The following STK40 variants were observed in gnomAD, a reference collection of about 807,000 sequenced individuals.
The protein encoded by STK40 is serine/threonine kinase 40, also known as serine/threonine-protein kinase 40.
In STK40, 13 loss-of-function variants were observed where a neutral mutation model predicts 47.9. The ratio of observed to expected loss-of-function variants is 0.27; its 90% CI spans 0.18 to 0.43. The LOEUF is 0.43. Ranked by LOEUF, STK40 falls within the 20% of genes least tolerant of loss-of-function variation. STK40 has a pLI of 1.00. For synonymous variants in STK40, 225 were observed against 243.2 expected (o/e 0.93, Z 0.69); for missense variants, 460 against 595.1 (o/e 0.77, Z 2.36).
intron 1 of STK40, among the ~76,000 whole-genome samples, chr1:36,379,095 C>T (rs1270786544): frequency 6.6e-6 from 1 of 152,188 alleles, no homozygotes; most frequent in Non-Finnish European, 1.5e-5. Flanking sequence ...TTGCCAATTC[C>T]CACTACAATG....
intron 1 of STK40, among the ~76,000 whole-genome samples, chr1:36,381,333 A>G (rs142239666): frequency 2.6e-5 from 4 of 152,200 alleles, no homozygotes; most frequent in Non-Finnish European, 1.5e-5. Flanking sequence ...CACATCCTGC[A>G]GTCAGTCCCT....
chr1:36,370,536 T>C (rs1646936280), intron 1 of STK40, among the ~76,000 whole-genome samples: 1 of 152,182 alleles, frequency 6.6e-6, no homozygotes, highest in South Asian at 2.1e-4. Flanking sequence ...ATGTGAAATC[T>C]GAATGCGCGA....
chr1:36,355,464 G>A lies in STK40; in HGVS notation c.343-31C>T, dbSNP rs375836964. ...AGGCAAGGGGGTAGCGCAGGGCTTG[G>A]CTGTGAACTTGGCAGGGCCAAGGCC... is the stretch of plus-strand genomic sequence containing the variant. On this transcript the variant is annotated intron_variant, in intron 4 of 10. Transcript: ENST00000373132. The A allele has an allele frequency of 8.7e-6, 14 of 1,611,800 alleles. No individual in the cohort carries two copies. The African/African-American group carries it at 1.9e-4, about 21-fold the overall frequency.
chr1:36,346,230 G>A (rs558144112), intron 7 of STK40, among the ~76,000 whole-genome samples: 7 of 151,798 alleles, frequency 4.6e-5, no homozygotes, highest in South Asian at 4.2e-4. Flanking sequence ...TCCTGACCTC[G>A]TGATTTGCCC....
chr1:36,358,702 T>G, intron 3 of STK40, 35 bp downstream of exon 3: 1 of 1,610,616 alleles, frequency 6.2e-7, no homozygotes, highest in Non-Finnish European at 8.5e-7. Flanking sequence ...ACAGGCCCTG[T>G]TCCTGAGGCA....
intron 7 of STK40, among the ~76,000 whole-genome samples, chr1:36,346,284 G>A (rs537386662): frequency 3.9e-5 from 6 of 152,034 alleles, no homozygotes; most frequent in Admixed American, 6.5e-5. Flanking sequence ...ATGAGCCACC[G>A]CGCCTGGCTG....
intron 7 of STK40, 99 bp from the exon 8 acceptor site, chr1:36,344,363 T>C: frequency 6.9e-7 from 1 of 1,449,716 alleles, no homozygotes; most frequent in Non-Finnish European, 9.1e-7. Flanking sequence ...CCACCCTCAC[T>C]TCCAGTCCCC....
chr1:36,376,022 C>CAA (rs1317801280), intron 1 of STK40, among the ~76,000 whole-genome samples: 3 of 129,082 alleles, frequency 2.3e-5, no homozygotes, highest in Non-Finnish European at 3.3e-5. Context: ...AACTCCATCT[C>CAA]AAAAAAAAAA....
rs1019506419 is a variant in STK40 at position 36,348,566 on chromosome 1, G to T, written c.739+134C>A. ...CAGACCAAACATTTTGTATGGGGAGGGACAGTACTGGTCTGGGCCCCCAGT... is the reference window on the plus strand; with the variant it reads ...CAGACCAAACATTTTGTATGGGGAGTGACAGTACTGGTCTGGGCCCCCAGT... On this transcript the variant is annotated intron_variant, in intron 7 of 10. Transcript: ENST00000373132. 32 of 709,378 alleles carry T rather than the reference G, an allele frequency of 4.5e-5. No homozygotes were observed. The African/African-American group carries it at 5.4e-4, about 12-fold the overall frequency. The allele number at this position is 709,378 out of a possible 1,614,324, so 43.9% of individuals were successfully genotyped here.
intron 1 of STK40, among the ~76,000 whole-genome samples, chr1:36,379,384 T>C (rs2124753530): frequency 6.7e-6 from 1 of 149,598 alleles, no homozygotes; most frequent in African/African-American, 2.5e-5. Context: ...ATGAACACCG[T>C]TGGGTTGTAG....
At chr1:36,365,418 G>A (rs1321816974) in intron 1 of STK40, among the ~76,000 whole-genome samples, 2 of 152,196 alleles carry the variant, frequency 1.3e-5, no homozygotes. Flanking sequence ...CTGTGCCACT[G>A]GGGAGCACAG....
chr1:36,342,906 C>T (rs1298477841), intron 10 of STK40: 7 of 469,346 alleles, frequency 1.5e-5, no homozygotes, highest in East Asian at 8.3e-5. Context: ...GATCACCTGC[C>T]CTCTGCTGCC....
Position 36,341,625 on chromosome 1 carries a change from G to A in STK40, c.*130C>T. ...GCTGACCCCACGTGTGACCTGGGCTGTCCCTGTCCCTGCCCTGTCCCTATT... is the reference window on the plus strand; with the variant it reads ...GCTGACCCCACGTGTGACCTGGGCTATCCCTGTCCCTGCCCTGTCCCTATT... On this transcript the variant is annotated 3_prime_UTR_variant, in exon 11 of 11. Coordinates refer to ENST00000373132, the MANE Select transcript of STK40 (RefSeq NM_001282547.2). 1 of 1,133,234 alleles carries A rather than the reference G, an allele frequency of 8.8e-7. No individual in the cohort carries two copies. Among genetic ancestry groups the A allele is most frequent in the Non-Finnish European group, 1.3e-6 (1 of 798,130 alleles). 70.2% of individuals were successfully genotyped at this position (1,133,234 alleles called of 1,614,324 possible). A position where few individuals can be genotyped will look rare whatever the true frequency, so the allele number is the denominator to read the frequency against.
intron 7 of STK40, 46 bp from the exon 8 acceptor site, chr1:36,344,310 C>A: frequency 2.6e-6 from 4 of 1,523,370 alleles, no homozygotes; most frequent in Non-Finnish European, 3.5e-6. Flanking sequence ...ACAGCACCAC[C>A]GTGGCTCACC....
chr1:36,364,538 T>C (rs1452945213), intron 1 of STK40, among the ~76,000 whole-genome samples: 1 of 152,228 alleles, frequency 6.6e-6, no homozygotes, highest in East Asian at 1.9e-4. Context: ...ATGAATTTCC[T>C]TTATATTCTT....
intron 1 of STK40, among the ~76,000 whole-genome samples, chr1:36,374,626 G>A (rs761067438): frequency 2.6e-5 from 4 of 152,206 alleles, no homozygotes; most frequent in Non-Finnish European, 5.9e-5. Flanking sequence ...GAGGAGGAAG[G>A]GACAGACTTA....
chr1:36,343,129 C>T (rs1340726114), intron 10 of STK40: 12 of 657,172 alleles, frequency 1.8e-5, no homozygotes, highest in Admixed American at 1.6e-4. Context: ...GGCTCCAGCT[C>T]GGCTGTCTCA....
intron 1 of STK40, among the ~76,000 whole-genome samples, chr1:36,370,767 G>T (rs1427393947): frequency 3.3e-5 from 5 of 152,114 alleles, no homozygotes; most frequent in Admixed American, 3.3e-4. Context: ...CAATATCCAT[G>T]GGGGATTGGT....
chr1:36,367,095 G>A (rs1353511456), intron 1 of STK40, among the ~76,000 whole-genome samples: 2 of 150,520 alleles, frequency 1.3e-5, no homozygotes, highest in Non-Finnish European at 3.0e-5. Flanking sequence ...TAATCCGCCT[G>A]CCTTGGCCTC....
Sources: allele counts gnomAD v4.1 joint callset (sites outside exome capture counted in the v4.1 genomes callset), GRCh38; gene constraint gnomAD v4.1.1; transcripts MANE v1.5; gene names NCBI Gene and HGNC (gene_info 2026-07-23, HGNC 2026-07-21).